Variants in ERICH6 observed in about 807,000 individuals in gnomAD.
The protein encoded by ERICH6 is glutamate rich 6.
ERICH6 carries 71 observed loss-of-function variants against 71.0 expected under a neutral mutation model. The observed-to-expected ratio is 1.00, with a 90% CI of 0.83 to 1.22. The LOEUF is 1.22. Ranked by LOEUF, ERICH6 falls within the 50% of genes most tolerant of loss-of-function variation. ERICH6 has a pLI of 0.00. For synonymous variants in ERICH6, 262 were observed against 278.4 expected (o/e 0.94, Z 0.59); for missense variants, 808 against 797.2 (o/e 1.01, Z -0.16).
rs756512658 is a variant in ERICH6, at chr3:150,680,823, G to C, written c.990C>G (p.Ala330=). The C allele has an allele frequency of 6.2e-7, 1 of 1,613,954 alleles. No individual in the cohort carries two copies. The highest frequency in any genetic ancestry group is 8.5e-7 in the Non-Finnish European group (1 of 1,180,002). Residue 330 remains alanine, a synonymous_variant, in exon 8 of 14, where the codon GCC becomes GCG. Coordinates refer to ENST00000295910, the MANE Select transcript of ERICH6 (RefSeq NM_152394.5). ...TGAGTCTGTCGACCTCACTACCATG[G>C]GCTGCATGAGGGTCAATAGCAATTA... ...AELIAIDPHA[A]HGSEVDRLKA...
chr3:150,700,420 G>A lies in ERICH6; in HGVS notation c.462-1538C>T, dbSNP rs369811587. Among the ~76,000 whole-genome samples, 7 of 151,512 alleles carry A rather than the reference G, an allele frequency of 4.6e-5. No homozygotes were observed. In the East Asian group the frequency reaches 9.7e-4, roughly 21 times the overall value. ...CAAGAACTCAGAAATTTGACTATCC[G>A]TGAGACCTATATAAAAAATTCACCT... On this transcript the variant is annotated intron_variant, in intron 2 of 13. Transcript: ENST00000295910.
chr3:150,697,135 A>G (rs1712684169), intron 3 of ERICH6, among the ~76,000 whole-genome samples: 1 of 152,184 alleles, frequency 6.6e-6, no homozygotes, highest in South Asian at 2.1e-4. Context: ...AAGCAAGTGG[A>G]ACAACAGATT....
chr3:150,688,003 T>TC (rs1163896198), intron 3 of ERICH6, among the ~76,000 whole-genome samples: 4 of 152,090 alleles, frequency 2.6e-5, no homozygotes, highest in Non-Finnish European at 5.9e-5. Flanking sequence ...ATGCCTGTGG[T>TC]CCCAGTTAGT....
chr3:150,695,253 A>C (rs1221576459), intron 3 of ERICH6, among the ~76,000 whole-genome samples: 1 of 152,244 alleles, frequency 6.6e-6, no homozygotes, highest in Non-Finnish European at 1.5e-5. Context: ...ACAAACTACT[A>C]TGATGAATAA....
intron 3 of ERICH6, among the ~76,000 whole-genome samples, chr3:150,690,500 T>A (rs1712392700): frequency 6.6e-6 from 1 of 152,150 alleles, no homozygotes; most frequent in South Asian, 2.1e-4. Context: ...CACTGTTTCA[T>A]TACTGAAAAG....
rs1010474907 is a variant in ERICH6 at position 150,702,067 on chromosome 3, A to C, written c.461+54T>G. On this transcript the variant is annotated intron_variant, in intron 2 of 13. Coordinates refer to ENST00000295910, the MANE Select transcript of ERICH6 (RefSeq NM_152394.5). ...CTCTACTTCCTAACATGTTTATCCA[A>C]AAGGTAAACATTATTGGGTTCAAAA... 7.6e-6 allele frequency: 9 copies of C among 1,184,114 alleles called. No individual in the cohort carries two copies. In the Admixed American group the frequency reaches 2.0e-4, roughly 27 times the overall value. The allele number at this position is 1,184,114 out of a possible 1,614,324, so 73.4% of individuals were successfully genotyped here.
At chr3:150,660,505 G>A (rs191804145) in intron 13 of ERICH6, among the ~76,000 whole-genome samples, 1 of 152,272 alleles carries the variant, frequency 6.6e-6, no homozygotes, top group East Asian at 1.9e-4. Flanking sequence ...TCTGAAGGCT[G>A]GGTGCTCACT....
chr3:150,662,496 T>C (rs1046416401), intron 13 of ERICH6, among the ~76,000 whole-genome samples: 4 of 152,134 alleles, frequency 2.6e-5, no homozygotes, highest in Non-Finnish European at 5.9e-5. Context: ...TTTGGTTAAA[T>C]ATACATGGAA....
intron 11 of ERICH6, among the ~76,000 whole-genome samples, chr3:150,672,734 T>G (rs1334603897): frequency 6.6e-6 from 1 of 151,952 alleles, no homozygotes; most frequent in South Asian, 2.1e-4. Context: ...ACATATATTT[T>G]TAAATGCTGG....
At chr3:150,697,264 T>C (rs1366060408) in intron 3 of ERICH6, among the ~76,000 whole-genome samples, 1 of 152,306 alleles carries the variant, frequency 6.6e-6, no homozygotes, top group East Asian at 1.9e-4. Flanking sequence ...AACATGATAA[T>C]AGTGGTGACA....
rs141939387 is a variant in ERICH6, at chr3:150,659,984, G to A, written c.1900C>T (p.Leu634Phe). Reference protein sequence around the residue: ...KLKQPSYLSSLSLKLIALCHS... With the variant: ...KLKQPSYLSSFSLKLIALCHS... The stretch of plus-strand genomic sequence containing the variant: ...CAAAGGGCAATTAGTTTTAGAGAAA[G>A]TGAAGAAAGGTAGGAAGGTTGCTTT... The change falls in exon 14 of 14, where the codon CTT becomes TTT. Residue 634 changes from leucine (L) to phenylalanine (F), a missense_variant. Leu to Phe is a conservative substitution (Grantham distance 22, BLOSUM62 0). Transcript: ENST00000295910. 382 of 1,614,184 alleles carry A rather than the reference G, an allele frequency of 2.4e-4. 2 individuals carry two copies. In the African/African-American group the frequency reaches 4.6e-3, roughly 20 times the overall value.
In ERICH6 at chr3:150,685,994, G is replaced by A. The variant is rs746306034; in HGVS notation, c.638C>T (p.Ser213Leu). Residue 213 changes from serine to leucine, a missense_variant, in exon 5 of 14, where the codon TCG becomes TTG. This residue lies in a region of ERICH6 where 736 missense variants were observed against 712.2 expected (regional missense o/e 1.03). Coordinates refer to ENST00000295910, the MANE Select transcript of ERICH6 (RefSeq NM_152394.5). ...CAGCTCATATAAAATATTTAGTTTCGACTCTTCTGGATTAATTACCCATTT... is the reference window on the plus strand; with the variant it reads ...CAGCTCATATAAAATATTTAGTTTCAACTCTTCTGGATTAATTACCCATTT... ...REKWVINPEE[S>L]KLNILYELEF... The A allele has an allele frequency of 5.6e-6, 9 of 1,603,026 alleles. No homozygotes were observed. Among genetic ancestry groups the A allele is most frequent in the Non-Finnish European group, 7.7e-6 (9 of 1,170,042 alleles).
intron 3 of ERICH6, among the ~76,000 whole-genome samples, chr3:150,687,896 T>C (rs1238641551): frequency 6.6e-6 from 1 of 152,046 alleles, no homozygotes; most frequent in Non-Finnish European, 1.5e-5. Flanking sequence ...GGTGGGGAGA[T>C]TACTTGAGTA....
At chr3:150,698,319 T>C (rs188412071) in intron 3 of ERICH6, among the ~76,000 whole-genome samples, 1 of 152,264 alleles carries the variant, frequency 6.6e-6, no homozygotes. Flanking sequence ...TGGCAAATGG[T>C]AGGTGCTCAG....
chr3:150,661,169 T>C (rs1356047772), intron 13 of ERICH6, among the ~76,000 whole-genome samples: 1 of 152,124 alleles, frequency 6.6e-6, no homozygotes, highest in East Asian at 1.9e-4. Context: ...GATGAGACCA[T>C]ATGCATATAG....
At chr3:150,689,624 C>T (rs1296637702) in intron 3 of ERICH6, among the ~76,000 whole-genome samples, 3 of 151,906 alleles carry the variant, frequency 2.0e-5, no homozygotes, top group East Asian at 1.9e-4. Context: ...TTTAAAAGGC[C>T]TTCATGTTAT....
chr3:150,698,826 C>A lies in ERICH6; in HGVS notation c.518G>T (p.Ser173Ile). The A allele has an allele frequency of 6.2e-7, 1 of 1,613,984 alleles. No individual in the cohort carries two copies. The highest frequency in any genetic ancestry group is 8.5e-7 in the Non-Finnish European group (1 of 1,179,964). ...GIPVSVQTEE[S>I]WLQDLSDKVQ... The stretch of plus-strand genomic sequence containing the variant: ...TTTATCAGACAAATCTTGGAGCCAA[C>A]TTTCTTCTGTTTGTACTGATACTGG... The change falls in exon 3 of 14, where the codon AGT becomes ATT. Residue 173 changes from serine (S) to isoleucine (I), a missense_variant. By Grantham distance (142) the Ser-to-Ile change is moderately radical. This residue lies in a region of ERICH6 where 736 missense variants were observed against 712.2 expected (regional missense o/e 1.03). Transcript: ENST00000295910.
At chr3:150,698,977 G>A (rs902274251) in intron 2 of ERICH6, 95 bp from the exon 3 acceptor site, 41 of 734,284 alleles carry the variant, frequency 5.6e-5, no homozygotes, top group South Asian at 5.0e-4. Flanking sequence ...ATTAATGCAC[G>A]TAGAAAATAT....
intron 3 of ERICH6, among the ~76,000 whole-genome samples, chr3:150,688,341 A>G (rs948903448): frequency 5.3e-5 from 8 of 152,296 alleles, no homozygotes; most frequent in Non-Finnish European, 4.4e-5. Flanking sequence ...AAAAAGCAAA[A>G]CAAGACAAGA....
Sources: gnomAD v4.1 joint callset for allele counts (sites outside exome capture counted in the v4.1 genomes callset) on GRCh38, gnomAD v4.1.1 for gene constraint, gnomAD v4.1.1 regional missense constraint, MANE v1.5 for transcripts, NCBI Gene and HGNC (gene_info 2026-07-23, HGNC 2026-07-21) for gene names.